UXS1: variants seen among roughly 807,000 people sequenced by gnomAD.
UXS1 encodes UDP-glucuronic acid decarboxylase 1.
UXS1 carries 33 observed loss-of-function variants against 62.6 expected under a neutral mutation model. The observed-to-expected ratio is 0.53, with a 90% CI of 0.40 to 0.70. The LOEUF is 0.70. Ranked by LOEUF, UXS1 falls within the 30% of genes least tolerant of loss-of-function variation. UXS1 has a pLI of 0.00. For missense variants in UXS1, 434 were observed against 556.3 expected, an observed-to-expected ratio of 0.78 and a Z score of 2.21; for synonymous variants, 213 against 206.8, an observed-to-expected ratio of 1.03 and a Z score of -0.26.
intron 1 of UXS1, among the ~76,000 whole-genome samples, chr2:106,182,219 A>C (rs1410937470): frequency 1.3e-5 from 2 of 152,256 alleles, no homozygotes; most frequent in Non-Finnish European, 2.9e-5. Flanking sequence ...CTTGGGCCAC[A>C]TATAACGCTA....
At chr2:106,099,230 G>A (rs1677383779) in intron 12 of UXS1, among the ~76,000 whole-genome samples, 3 of 152,148 alleles carry the variant, frequency 2.0e-5, no homozygotes, top group Admixed American at 6.5e-5. Flanking sequence ...AAATGAGTAG[G>A]CTCACAGGCG....
At chr2:106,142,956 A>G (rs1020865065) in intron 6 of UXS1, among the ~76,000 whole-genome samples, 1 of 152,020 alleles carries the variant, frequency 6.6e-6, no homozygotes, top group African/African-American at 2.4e-5. Flanking sequence ...TCCTACACAC[A>G]GTCACAGAAT....
chr2:106,124,276 A>T (rs1056401774), intron 8 of UXS1, among the ~76,000 whole-genome samples: 3 of 152,200 alleles, frequency 2.0e-5, no homozygotes, highest in African/African-American at 7.2e-5. Context: ...AAATTTGACA[A>T]AGGACAAGAA....
intron 9 of UXS1, among the ~76,000 whole-genome samples, chr2:106,115,482 A>G (rs1315806304): frequency 2.6e-5 from 4 of 152,170 alleles, no homozygotes; most frequent in African/African-American, 9.7e-5. Context: ...ATTTCACTTT[A>G]TGCTCTGTGG....
chr2:106,155,665 G>T lies in UXS1; in HGVS notation c.291+2393C>A, dbSNP rs944696438. Among the ~76,000 whole-genome samples, 7 of 152,310 alleles carry T rather than the reference G, an allele frequency of 4.6e-5. No homozygotes were observed. The East Asian group carries it at 9.6e-4, about 21-fold the overall frequency. ...AGCAGGCTGTACCATCGAGGTTTGTGTAAGTCCACTCTATGATGCTCACAG... is the reference window on the plus strand; with the variant it reads ...AGCAGGCTGTACCATCGAGGTTTGTTTAAGTCCACTCTATGATGCTCACAG... On this transcript the variant is annotated intron_variant, in intron 5 of 14. Transcript: ENST00000283148.
chr2:106,109,633 T>C (rs1678414954), intron 10 of UXS1, among the ~76,000 whole-genome samples: 1 of 152,218 alleles, frequency 6.6e-6, no homozygotes, highest in Non-Finnish European at 1.5e-5. Context: ...ACCATACTCA[T>C]CTATTTTCTA....
intron 1 of UXS1, among the ~76,000 whole-genome samples, chr2:106,193,362 A>G (rs981803273): frequency 6.6e-6 from 1 of 152,050 alleles, no homozygotes; most frequent in Non-Finnish European, 1.5e-5. Context: ...ATTCCCAACG[A>G]ATAGATCTTT....
At chr2:106,170,024 G>A (rs949116676) in intron 1 of UXS1, among the ~76,000 whole-genome samples, 1 of 152,158 alleles carries the variant, frequency 6.6e-6, no homozygotes, top group African/African-American at 2.4e-5. Flanking sequence ...CTGGAGGCTG[G>A]AGATGCACCT....
intron 11 of UXS1, among the ~76,000 whole-genome samples, chr2:106,104,420 C>T (rs564729262): frequency 4.6e-5 from 7 of 152,234 alleles, no homozygotes; most frequent in Admixed American, 2.0e-4. Context: ...TCCTCCACCC[C>T]GCGAGCCATG....
At chr2:106,123,121 C>T (rs1558698130) in intron 8 of UXS1, 30 bp from the exon 9 acceptor site, 1 of 1,612,464 alleles carries the variant, frequency 6.2e-7, no homozygotes, top group Non-Finnish European at 8.5e-7. Flanking sequence ...AGACTGTTTT[C>T]ATCTTTCCTT....
At chr2:106,106,147 C>T (rs957141305) in intron 10 of UXS1, among the ~76,000 whole-genome samples, 2 of 152,118 alleles carry the variant, frequency 1.3e-5, no homozygotes, top group Admixed American at 6.6e-5. Context: ...GGCAGATCAC[C>T]GGAGGTCGGG....
chr2:106,136,957 A>C (rs540255644), intron 6 of UXS1, among the ~76,000 whole-genome samples: 24 of 142,510 alleles, frequency 1.7e-4, no homozygotes, highest in East Asian at 4.0e-4. Flanking sequence ...AGAAGTCAAG[A>C]ACACACACAA....
chr2:106,106,924 C>T (rs2104861860), intron 10 of UXS1, among the ~76,000 whole-genome samples: 1 of 152,334 alleles, frequency 6.6e-6, no homozygotes, highest in East Asian at 1.9e-4. Flanking sequence ...TTTATCTTGA[C>T]TCCAAGTTCA....
At chr2:106,147,305 G>A (rs891714640) in intron 5 of UXS1, among the ~76,000 whole-genome samples, 5 of 152,178 alleles carry the variant, frequency 3.3e-5, no homozygotes, top group Admixed American at 6.6e-5. Context: ...ACTGACCAAC[G>A]TTAATATTAA....
chr2:106,097,158 G>A (rs1429300675), intron 13 of UXS1: 1 of 482,200 alleles, frequency 2.1e-6, no homozygotes, highest in East Asian at 6.2e-5. Context: ...AACAAGTGCA[G>A]ACGTGCCCAC....
At chr2:106,114,322 A>G (rs2104891709) in intron 9 of UXS1, among the ~76,000 whole-genome samples, 1 of 152,348 alleles carries the variant, frequency 6.6e-6, no homozygotes, top group African/African-American at 2.4e-5. Context: ...AGCCACTCAG[A>G]TACTCAGGAC....
Position 106,112,760 on chromosome 2 carries a change from G to A in UXS1, c.765C>T (p.Gly255=), listed in dbSNP as rs180732763. Residue 255 remains glycine (G), a synonymous_variant, in exon 10 of 15, where the codon GGC becomes GGT. Transcript: ENST00000283148. ...AGATTCTGGCCACTCGCACTTCCACGCCTTCCTGGAACAGAGAGAAGAGGA... is the reference window on the plus strand; with the variant it reads ...AGATTCTGGCCACTCGCACTTCCACACCTTCCTGGAACAGAGAGAAGAGGA... ...TMCYAYMKQE[G]VEVRVARIFN... 86 of 1,613,372 alleles carry A rather than the reference G, an allele frequency of 5.3e-5. No individual in the cohort carries two copies. Among genetic ancestry groups the A allele is most frequent in the Middle Eastern group, 1.6e-4 (1 of 6,084 alleles).
At chr2:106,100,718 A>T in intron 12 of UXS1, 1 of 219,006 alleles carries the variant, frequency 4.6e-6, no homozygotes, top group Non-Finnish European at 9.0e-6. Context: ...CTAAAAATGC[A>T]ATCAGGCCTT....
At chr2:106,143,956 ACACCCAGATAAT>A (rs973579713) in intron 6 of UXS1, among the ~76,000 whole-genome samples, 4 of 152,196 alleles carry the variant, frequency 2.6e-5, no homozygotes, top group African/African-American at 9.6e-5. Flanking sequence ...ATGTGGGGGC[ACACCCAGATAAT>A]CCAGGATCAT....
Sources: allele counts gnomAD v4.1 joint callset (sites outside exome capture counted in the v4.1 genomes callset), GRCh38; gene constraint gnomAD v4.1.1; transcripts MANE v1.5; gene names NCBI Gene and HGNC (gene_info 2026-07-23, HGNC 2026-07-21).